TRHDE: variants seen among roughly 807,000 people sequenced by gnomAD.
TRHDE encodes the protein thyrotropin releasing hormone degrading enzyme.
A neutral mutation model predicts 125.7 loss-of-function variants in TRHDE; 72 were observed. The observed-to-expected ratio is 0.57, with a 90% CI of 0.47 to 0.70. The LOEUF (loss-of-function observed/expected upper bound fraction) is 0.70. Ranked by LOEUF, TRHDE falls within the 30% of genes least tolerant of loss-of-function variation. The pLI is 0.00. For synonymous variants in TRHDE, 509 were observed against 509.1 expected, an observed-to-expected ratio of 1.00 and a Z score of 0.00; for missense variants, 1,110 against 1,327.1, an observed-to-expected ratio of 0.84 and a Z score of 2.54.
intron 2 of TRHDE, among the ~76,000 whole-genome samples, chr12:72,248,870 T>C (rs1445057140): frequency 2.0e-5 from 3 of 152,216 alleles, no homozygotes; most frequent in African/African-American, 4.8e-5. Context: ...AGTTTACATA[T>C]TTGAAACCCT....
intron 15 of TRHDE, among the ~76,000 whole-genome samples, chr12:72,650,649 G>A (rs1464072474): frequency 1.3e-5 from 2 of 151,888 alleles, no homozygotes; most frequent in African/African-American, 2.4e-5. Flanking sequence ...TTAAGGAAAT[G>A]TACATTGATT....
chr12:72,522,234 C>T (rs1171207000), intron 6 of TRHDE, among the ~76,000 whole-genome samples: 1 of 152,126 alleles, frequency 6.6e-6, no homozygotes, highest in Non-Finnish European at 1.5e-5. Context: ...CCTTTGATTT[C>T]TTTTTATGTT....
chr12:72,457,640 C>T (rs886657334), intron 3 of TRHDE, among the ~76,000 whole-genome samples: 20 of 146,782 alleles, frequency 1.4e-4, no homozygotes, highest in Admixed American at 6.1e-4. Context: ...AAGAACCAAA[C>T]ATTTGGTTCC....
intron 2 of TRHDE, among the ~76,000 whole-genome samples, chr12:72,314,509 A>T (rs1225043505): frequency 6.6e-6 from 1 of 152,156 alleles, no homozygotes; most frequent in Non-Finnish European, 1.5e-5. Context: ...TTTACTGTAG[A>T]CACCGTACAT....
chr12:72,194,695 C>T (rs1010537367), intron 2 of TRHDE, among the ~76,000 whole-genome samples: 14 of 152,046 alleles, frequency 9.2e-5, no homozygotes, highest in African/African-American at 2.9e-4. Context: ...CACATTGCTG[C>T]GAAGGACATG....
At chr12:72,410,551 T>C (rs553649990) in intron 3 of TRHDE, among the ~76,000 whole-genome samples, 3 of 152,126 alleles carry the variant, frequency 2.0e-5, no homozygotes, top group Admixed American at 1.3e-4. Flanking sequence ...TCTAGAAATG[T>C]GAAATTAGTT....
At chr12:72,538,372 AAT>A (rs1438475976) in intron 6 of TRHDE, among the ~76,000 whole-genome samples, 1 of 151,944 alleles carries the variant, frequency 6.6e-6, no homozygotes, top group African/African-American at 2.4e-5. Context: ...TTTTTATCAC[AAT>A]ATGTCATTTT....
intron 2 of TRHDE, among the ~76,000 whole-genome samples, chr12:72,323,798 G>A (rs1457720090): frequency 6.6e-6 from 1 of 151,224 alleles, no homozygotes; most frequent in African/African-American, 2.4e-5. Context: ...GTCATGGATG[G>A]GGTTCTTGCA....
At chr12:72,231,851 A>AT (rs981850008) in intron 2 of TRHDE, among the ~76,000 whole-genome samples, 1 of 152,126 alleles carries the variant, frequency 6.6e-6, no homozygotes, top group South Asian at 2.1e-4. Context: ...CTGGAGTAGA[A>AT]TTTTTTTGCC....
intron 6 of TRHDE, among the ~76,000 whole-genome samples, chr12:72,519,947 C>T (rs1226066123): frequency 6.6e-6 from 1 of 152,150 alleles, no homozygotes; most frequent in Non-Finnish European, 1.5e-5. Context: ...CCCAGTGAGG[C>T]TGTTTGGGGG....
intron 12 of TRHDE, among the ~76,000 whole-genome samples, chr12:72,592,262 CTG>C (rs1377916699): frequency 2.6e-5 from 4 of 152,202 alleles, no homozygotes; most frequent in Admixed American, 2.0e-4. Flanking sequence ...TCCAGTGAAA[CTG>C]TATTTTTTAG....
At chr12:72,563,162 C>A in intron 9 of TRHDE, 122 bp downstream of exon 9, 1 of 730,698 alleles carries the variant, frequency 1.4e-6, no homozygotes, top group Admixed American at 3.3e-5. Context: ...GTTTTTGTTT[C>A]TTTATTTACA....
intron 6 of TRHDE, among the ~76,000 whole-genome samples, chr12:72,536,514 T>C (rs1442095008): frequency 2.0e-5 from 3 of 152,064 alleles, no homozygotes; most frequent in Non-Finnish European, 2.9e-5. Flanking sequence ...AGTTATCCAT[T>C]GGTGGAGTCT....
chr12:72,436,646 A>G (rs893128356), intron 3 of TRHDE, among the ~76,000 whole-genome samples: 1 of 151,952 alleles, frequency 6.6e-6, no homozygotes, highest in Non-Finnish European at 1.5e-5. Flanking sequence ...AGAATATTCC[A>G]AGAGAATCAG....
At chr12:72,423,638 T>C (rs1188512463) in intron 3 of TRHDE, among the ~76,000 whole-genome samples, 1 of 152,150 alleles carries the variant, frequency 6.6e-6, no homozygotes, top group Non-Finnish European at 1.5e-5. Flanking sequence ...TGGGAAACTA[T>C]GGGTATGTTA....
At chr12:72,277,076 T>G (rs768125407) in intron 1 of TRHDE, among the ~76,000 whole-genome samples, 25 of 152,302 alleles carry the variant, frequency 1.6e-4, no homozygotes, top group Admixed American at 1.0e-3. Flanking sequence ...AAAGGGAGAC[T>G]GTTTTTCTTT....
At chr12:72,260,085 A>C (rs909605822) in intron 2 of TRHDE, among the ~76,000 whole-genome samples, 1 of 152,152 alleles carries the variant, frequency 6.6e-6, no homozygotes, top group Non-Finnish European at 1.5e-5. Context: ...GCTGTATAGG[A>C]AGGGATCCAC....
chr12:72,229,633 A>G (rs1223839872), intron 2 of TRHDE, among the ~76,000 whole-genome samples: 1 of 152,216 alleles, frequency 6.6e-6, no homozygotes, highest in Non-Finnish European at 1.5e-5. Flanking sequence ...AATTCAGTAG[A>G]TGTAATATAT....
At chr12:72,444,134 A>G (rs959271892) in intron 3 of TRHDE, among the ~76,000 whole-genome samples, 1 of 151,932 alleles carries the variant, frequency 6.6e-6, no homozygotes, top group Non-Finnish European at 1.5e-5. Context: ...AGCTAAAAAA[A>G]CAAGGTGCTC....
Sources: gnomAD v4.1 joint callset for allele counts (sites outside exome capture counted in the v4.1 genomes callset) on GRCh38, gnomAD v4.1.1 for gene constraint, MANE v1.5 for transcripts, NCBI Gene and HGNC (gene_info 2026-07-23, HGNC 2026-07-21) for gene names.